Variants in KAZN observed in about 807,000 individuals in gnomAD.
KAZN encodes the protein kazrin, periplakin interacting protein.
A neutral mutation model predicts 87.4 loss-of-function variants in KAZN; 40 were observed. The observed-to-expected ratio is 0.46, with a 90% CI of 0.36 to 0.60. KAZN has a LOEUF of 0.60. Among genes scored for constraint, KAZN ranks in the 20% least tolerant of loss-of-function variants. The probability of loss-of-function intolerance (pLI) is 0.00; values close to 1 mark genes in which losing one functional copy is unlikely to be tolerated. For synonymous variants in KAZN, 466 were observed against 458.3 expected, an observed-to-expected ratio of 1.02 and a Z score of -0.22; for missense variants, 898 against 1,073.9, an observed-to-expected ratio of 0.84 and a Z score of 2.29.
chr1:14,124,690 C>T (rs1441364756), intron 1 of KAZN, among the ~76,000 whole-genome samples: 1 of 127,876 alleles, frequency 7.8e-6, no homozygotes, highest in African/African-American at 3.2e-5. Flanking sequence ...TCCCATCAGT[C>T]CCCTCGAGTG....
chr1:14,726,918 C>A (rs1166752038), intron 1 of KAZN, among the ~76,000 whole-genome samples: 1 of 152,174 alleles, frequency 6.6e-6, no homozygotes, highest in Non-Finnish European at 1.5e-5. Flanking sequence ...CTGTTAGGTA[C>A]AAAGAGGTGA....
chr1:15,112,599 T>C (rs1641686898), intron 14 of KAZN, 58 bp downstream of exon 14: 1 of 1,245,834 alleles, frequency 8.0e-7, no homozygotes, highest in Admixed American at 2.0e-5. Context: ...GGTCTTTTTT[T>C]CTCCTCCCGG....
At chr1:14,393,559 C>A (rs953632212) in intron 2 of KAZN, among the ~76,000 whole-genome samples, 1 of 152,062 alleles carries the variant, frequency 6.6e-6, no homozygotes, top group South Asian at 2.1e-4. Context: ...AGTAGCCTCA[C>A]GAAGAGTTTG....
At chr1:14,465,635 C>G (rs1056807257) in intron 2 of KAZN, among the ~76,000 whole-genome samples, 4 of 152,194 alleles carry the variant, frequency 2.6e-5, no homozygotes, top group Non-Finnish European at 5.9e-5. Flanking sequence ...AACATTACTT[C>G]TGCCACATTC....
At chr1:15,048,659 C>T (rs1673884935) in intron 4 of KAZN, among the ~76,000 whole-genome samples, 1 of 145,708 alleles carries the variant, frequency 6.9e-6, no homozygotes, top group Non-Finnish European at 1.5e-5. Flanking sequence ...GGTCGTCGGT[C>T]CTGGGTCGCT....
chr1:14,441,156 T>G (rs985808339), intron 2 of KAZN, among the ~76,000 whole-genome samples: 1 of 152,152 alleles, frequency 6.6e-6, no homozygotes, highest in African/African-American at 2.4e-5. Context: ...GATTGTTAAA[T>G]GACTGGAAGA....
chr1:14,555,706 A>G (rs1482275455), intron 2 of KAZN, among the ~76,000 whole-genome samples: 3 of 152,222 alleles, frequency 2.0e-5, no homozygotes, highest in Non-Finnish European at 2.9e-5. Context: ...ACTCAGCTGT[A>G]AGATACAGGA....
chr1:14,274,042 T>TC (rs1305100398), intron 2 of KAZN, among the ~76,000 whole-genome samples: 1 of 152,214 alleles, frequency 6.6e-6, no homozygotes, highest in Non-Finnish European at 1.5e-5. Flanking sequence ...TGTGTTTCTT[T>TC]CCAGGGTACC....
intron 1 of KAZN, among the ~76,000 whole-genome samples, chr1:14,122,444 G>T (rs547583928): frequency 2.0e-5 from 3 of 152,216 alleles, no homozygotes; most frequent in East Asian, 1.9e-4. Context: ...TTGACAGACA[G>T]TTCCTATGTG....
At chr1:14,578,499 AC>A (rs1247946141) in intron 2 of KAZN, among the ~76,000 whole-genome samples, 1 of 152,068 alleles carries the variant, frequency 6.6e-6, no homozygotes, top group East Asian at 1.9e-4. Flanking sequence ...ATTTACATAA[AC>A]CCTTGTGATC....
chr1:14,192,194 G>A (rs1646434809), intron 2 of KAZN, among the ~76,000 whole-genome samples: 1 of 152,168 alleles, frequency 6.6e-6, no homozygotes, highest in Non-Finnish European at 1.5e-5. Flanking sequence ...ACTCTGTGGA[G>A]TAGGCAAGAA....
chr1:14,869,613 C>T (rs1651920610), intron 1 of KAZN, among the ~76,000 whole-genome samples: 2 of 152,222 alleles, frequency 1.3e-5, no homozygotes, highest in Non-Finnish European at 2.9e-5. Flanking sequence ...GTCTTCTCCT[C>T]TGCACTCTGA....
At chr1:15,111,539 C>G (rs1309915867) in intron 13 of KAZN, among the ~76,000 whole-genome samples, 1 of 152,186 alleles carries the variant, frequency 6.6e-6, no homozygotes, top group Non-Finnish European at 1.5e-5. Context: ...TGGCCTCCCA[C>G]AGTGCTGGGA....
At chr1:14,167,700 G>GAAA (rs1645861820) in intron 1 of KAZN, among the ~76,000 whole-genome samples, 1 of 151,958 alleles carries the variant, frequency 6.6e-6, no homozygotes, top group East Asian at 1.9e-4. Context: ...TCCAGCCTGC[G>GAAA]TAAAAGAGAG....
chr1:14,027,619 A>G (rs940126136), intron 1 of KAZN, among the ~76,000 whole-genome samples: 1 of 152,138 alleles, frequency 6.6e-6, no homozygotes, highest in African/African-American at 2.4e-5. Context: ...CAATGTCAAA[A>G]TAATTGCTTT....
rs1640713295 is a variant in KAZN at position 15,094,529 on chromosome 1, T to A, written c.1428+144T>A. On this transcript the variant is annotated intron_variant, in intron 9 of 14. Transcript: ENST00000376030. The surrounding 1 kb of genome is among the most constrained non-coding windows in gnomAD (Gnocchi z 4.5). The stretch of plus-strand genomic sequence containing the variant: ...GCTAGCCAATGCAATCAGCCTCTGA[T>A]GTACCTGCTCATTGTGCCTCCCTGG... The A allele has an allele frequency of 2.6e-6, 2 of 778,544 alleles. No individual in the cohort carries two copies. The highest frequency in any genetic ancestry group is 4.1e-6 in the Non-Finnish European group (2 of 486,648). 48.2% of individuals were successfully genotyped at this position (778,544 alleles called of 1,614,324 possible).
At position 15,081,152 on chromosome 1, in the gene KAZN, C is replaced by A. The variant is rs1411074662; in HGVS notation, c.1223-13028C>A. ...CTGCTCCCTCCCTCCCTCCGTTCCT[C>A]CCTTCCTGCCTTCTTTTACTCAATA... On this transcript the variant is annotated intron_variant, in intron 8 of 14. Transcript: ENST00000376030. This position sits in a 1 kb window ranked among gnomAD's most constrained non-coding sequence, Gnocchi z 4.1. Among the ~76,000 whole-genome samples the A allele has an allele frequency of 6.6e-6, 1 of 152,202 alleles. No homozygotes were observed. The highest frequency in any genetic ancestry group is 1.5e-5 in the Non-Finnish European group (1 of 68,044).
At chr1:14,148,847 G>C (rs1353541675) in intron 1 of KAZN, among the ~76,000 whole-genome samples, 1 of 152,180 alleles carries the variant, frequency 6.6e-6, no homozygotes, top group Non-Finnish European at 1.5e-5. Flanking sequence ...ATCCGTATCA[G>C]CTGTCTTTAT....
intron 1 of KAZN, among the ~76,000 whole-genome samples, chr1:14,704,298 C>T (rs1177490727): frequency 2.0e-5 from 3 of 152,208 alleles, no homozygotes; most frequent in Non-Finnish European, 4.4e-5. Context: ...AGTACACAGT[C>T]CCCATGGACA....
Sources: allele counts gnomAD v4.1 joint callset (sites outside exome capture counted in the v4.1 genomes callset), GRCh38; gene constraint gnomAD v4.1.1; non-coding constraint Gnocchi (gnomAD v3.1); transcripts MANE v1.5; gene names NCBI Gene and HGNC (gene_info 2026-07-23, HGNC 2026-07-21).